PRDM5: variants seen among roughly 807,000 people sequenced by gnomAD.
The protein encoded by PRDM5 is PR domain zinc finger protein 5.
In PRDM5, 56 loss-of-function variants were observed where a neutral mutation model predicts 81.2. The observed-to-expected ratio is 0.69, with a 90% CI of 0.56 to 0.86. The LOEUF (loss-of-function observed/expected upper bound fraction) is 0.86, where lower values mean the gene tolerates loss of function less well. PRDM5 is among the 40% of genes least tolerant of loss of function. The pLI, the probability that PRDM5 is intolerant of heterozygous loss-of-function variation, is 0.00. For synonymous variants in PRDM5, 267 were observed against 256.4 expected (o/e 1.04, Z -0.39); for missense variants, 697 against 770.1 (o/e 0.91, Z 1.12).
At chr4:120,884,225 A>T (rs1561599773) in intron 2 of PRDM5, among the ~76,000 whole-genome samples, 1 of 152,202 alleles carries the variant, frequency 6.6e-6, no homozygotes, top group Non-Finnish European at 1.5e-5. Flanking sequence ...ATACACAAAA[A>T]AAATAATGTG....
intron 1 of PRDM5, among the ~76,000 whole-genome samples, chr4:120,908,181 A>G (rs1448634420): frequency 5.3e-5 from 8 of 152,242 alleles, no homozygotes; most frequent in Admixed American, 5.2e-4. Flanking sequence ...CAGAATCTGG[A>G]AATGGGCTGT....
At position 120,773,137 on chromosome 4, in the gene PRDM5, T is replaced by C. The variant is rs191380966; in HGVS notation, c.1537+4051A>G. ...GTCTCAAGGAAAAGCACTTGTGTGA[T>C]TGAGTTGCAAGCTGACCTGGCAGTT... is the stretch of plus-strand genomic sequence containing the variant. On this transcript the variant is annotated intron_variant, in intron 13 of 15. Transcript: ENST00000264808. Among the ~76,000 whole-genome samples, 6 of 152,244 alleles carry C rather than the reference T, an allele frequency of 3.9e-5. No homozygotes were observed. In the South Asian group the frequency reaches 6.2e-4, roughly 16 times the overall value.
chr4:120,871,751 G>C (rs1761817057), intron 2 of PRDM5, among the ~76,000 whole-genome samples: 1 of 144,892 alleles, frequency 6.9e-6, no homozygotes, highest in South Asian at 2.2e-4. Context: ...AAATACATTA[G>C]GGTGGCTACT....
chr4:120,826,034 C>G (rs1755931248), intron 3 of PRDM5, among the ~76,000 whole-genome samples: 1 of 152,074 alleles, frequency 6.6e-6, no homozygotes, highest in Non-Finnish European at 1.5e-5. Context: ...GATTTCCTAA[C>G]AACAATATTG....
chr4:120,743,541 C>G (rs1404644233), intron 14 of PRDM5, among the ~76,000 whole-genome samples: 1 of 133,504 alleles, frequency 7.5e-6, no homozygotes, highest in Non-Finnish European at 1.6e-5. Context: ...ACCCATCTCA[C>G]GTGCAGAGAC....
At chr4:120,706,711 T>TTATA (rs1196395792) in intron 15 of PRDM5, among the ~76,000 whole-genome samples, 3 of 28,898 alleles carry the variant, frequency 1.0e-4, no homozygotes, top group African/African-American at 2.2e-4. Flanking sequence ...AAAACTGGTT[T>TTATA]TATATATATA....
At chr4:120,846,194 T>A (rs1445955985) in intron 3 of PRDM5, among the ~76,000 whole-genome samples, 1 of 152,218 alleles carries the variant, frequency 6.6e-6, no homozygotes, top group African/African-American at 2.4e-5. Flanking sequence ...CATAAACTTA[T>A]CTGATAAAGC....
At chr4:120,834,573 G>A (rs1757123221) in intron 3 of PRDM5, among the ~76,000 whole-genome samples, 1 of 152,146 alleles carries the variant, frequency 6.6e-6, no homozygotes, top group Non-Finnish European at 1.5e-5. Context: ...AGCCTGAACA[G>A]ACTAAGACAA....
chr4:120,802,255 A>T (rs994118340), intron 8 of PRDM5, among the ~76,000 whole-genome samples: 4 of 152,206 alleles, frequency 2.6e-5, no homozygotes, highest in Non-Finnish European at 4.4e-5. Context: ...ATTCCTTAAA[A>T]TGCTTAATAA....
At chr4:120,754,363 TTG>T (rs1374191672) in intron 14 of PRDM5, among the ~76,000 whole-genome samples, 188 bp downstream of exon 14, 1 of 152,262 alleles carries the variant, frequency 6.6e-6, no homozygotes, top group African/African-American at 2.4e-5. Flanking sequence ...AGGTTTCAAT[TTG>T]TGTTTTTTTT....
chr4:120,692,419 A>C lies in PRDM5; in HGVS notation c.*2692T>G, dbSNP rs2148980068. 6.6e-6 allele frequency: 1 copy of C among 152,144 alleles called. No homozygotes were observed. 9.4% of individuals were successfully genotyped at this position (152,144 alleles called of 1,614,324 possible). A position where few individuals can be genotyped will look rare whatever the true frequency, so the allele number is the denominator to read the frequency against. The stretch of plus-strand genomic sequence containing the variant: ...AATAACATGTTAACTATACTATGTA[A>C]CCCCAAGAATTTATCACCAAGAATA... On this transcript the variant is annotated 3_prime_UTR_variant, in exon 16 of 16. Coordinates refer to ENST00000264808, the MANE Select transcript of PRDM5 (RefSeq NM_018699.4).
intron 1 of PRDM5, among the ~76,000 whole-genome samples, chr4:120,921,979 A>G (rs142257180): frequency 2.6e-4 from 40 of 152,362 alleles, no homozygotes; most frequent in African/African-American, 9.1e-4. Flanking sequence ...TCCTGGGCGT[A>G]TGAATGAGAT....
chr4:120,686,334 T>C lies in PRDM5; in HGVS notation n.104-1309A>G, dbSNP rs115934999. Reference sequence around the variant, plus strand: ...AGGAATAGAGAGAATTGTGGACTTATATAGCTTTGAGTATCAACTAAAATA... The same window carrying C: ...AGGAATAGAGAGAATTGTGGACTTACATAGCTTTGAGTATCAACTAAAATA... On this transcript the variant is annotated intron_variant and non_coding_transcript_variant, in intron 1 of 1. Coordinates refer to the PRDM5 transcript ENST00000513741. 7.2e-3 allele frequency among the ~76,000 whole-genome samples: 1,094 copies of C among 152,236 alleles called. 5 individuals are homozygous for C. The highest frequency in any genetic ancestry group is 0.012 in the Non-Finnish European group (794 of 67,994).
chr4:120,838,192 T>C (rs1186162982), intron 3 of PRDM5: 2 of 152,230 alleles, frequency 1.3e-5, no homozygotes, highest in African/African-American at 4.8e-5. Context: ...CTTCATGCAG[T>C]AAAGTACCAT....
chr4:120,892,145 T>C (rs1764123287), intron 2 of PRDM5, among the ~76,000 whole-genome samples: 1 of 152,244 alleles, frequency 6.6e-6, no homozygotes, highest in Admixed American at 6.5e-5. Context: ...TATTAATTTC[T>C]ACTTGCATCG....
At chr4:120,887,447 G>C (rs1488129332) in intron 2 of PRDM5, among the ~76,000 whole-genome samples, 1 of 152,054 alleles carries the variant, frequency 6.6e-6, no homozygotes, top group African/African-American at 2.4e-5. Context: ...TGTTCTCCAC[G>C]AGGCAGACAC....
intron 15 of PRDM5, among the ~76,000 whole-genome samples, chr4:120,700,981 T>C (rs11731264): frequency 0.17 from 26,231 of 151,832 alleles, 2,590 homozygotes; most frequent in Non-Finnish European, 0.24. Flanking sequence ...AAAAATTAGC[T>C]GGGTGCGGTG....
chr4:120,744,492 GCT>G (rs1295858218), intron 14 of PRDM5, among the ~76,000 whole-genome samples: 1 of 151,694 alleles, frequency 6.6e-6, no homozygotes, highest in African/African-American at 2.4e-5. Context: ...GAATCCAGGA[GCT>G]GGTTTTTTGA....
At chr4:120,903,735 T>C (rs569080774) in intron 2 of PRDM5, among the ~76,000 whole-genome samples, 3 of 152,164 alleles carry the variant, frequency 2.0e-5, no homozygotes, top group African/African-American at 7.2e-5. Context: ...ACTGTTCTCG[T>C]GGTAGTGAAT....
Sources: gnomAD v4.1 joint callset for allele counts (sites outside exome capture counted in the v4.1 genomes callset) on GRCh38, gnomAD v4.1.1 for gene constraint, MANE v1.5 for transcripts, NCBI Gene and HGNC (gene_info 2026-07-23, HGNC 2026-07-21) for gene names.